Variants in GPR85 observed in about 807,000 individuals in gnomAD.
GPR85 encodes the protein probable G protein-coupled receptor 85.
GPR85 carries 7 observed loss-of-function variants against 21.3 expected under a neutral mutation model. The observed-to-expected ratio is 0.33, with a 90% confidence interval of 0.19 to 0.62. The LOEUF (loss-of-function observed/expected upper bound fraction) is 0.62, where lower values mean the gene tolerates loss of function less well. GPR85 is among the 20% of genes least tolerant of loss of function. GPR85 has a pLI of 0.80. For missense variants in GPR85, 299 were observed against 443.8 expected, an observed-to-expected ratio of 0.67 and a Z score of 2.93; for synonymous variants, 167 against 166.1, an observed-to-expected ratio of 1.01 and a Z score of -0.04.
Position 113,084,301 on chromosome 7 carries a change from C to T in GPR85, c.421G>A (p.Val141Met). 1 of 1,614,114 alleles carries T rather than the reference C, an allele frequency of 6.2e-7. No homozygotes were observed. The highest frequency in any genetic ancestry group is 8.5e-7 in the Non-Finnish European group (1 of 1,179,990). Reference sequence around the variant, plus strand: ...GACAGAGTCCACACCATACAGATCACAGCCAGACACGTCCAAAAGGTCAGC... The same window carrying T: ...GACAGAGTCCACACCATACAGATCATAGCCAGACACGTCCAAAAGGTCAGC... ...KRLTFWTCLA[V>M]ICMVWTLSVA... The change falls in exon 3 of 3, where the codon GTG (valine) becomes ATG (methionine). Residue 141 changes from valine to methionine, a missense_variant. By Grantham distance (21) the Val-to-Met change is conservative. Transcript: ENST00000424100.
chr7:113,084,599 G>T lies in GPR85; in HGVS notation c.123C>A (p.Ile41=). 2 of 1,613,808 alleles carry T rather than the reference G, an allele frequency of 1.2e-6. No individual in the cohort carries two copies. Among genetic ancestry groups the T allele is most frequent in the East Asian group, 4.5e-5 (2 of 44,878 alleles). Residue 41 remains isoleucine (I), a synonymous_variant, in exon 3 of 3, where the codon ATC becomes ATA. Coordinates refer to ENST00000424100, the MANE Select transcript of GPR85 (RefSeq NM_001146267.2). ...IGVSVVGNLL[I]SILLVKDKTL... ...TCTTATCTTTCACTAGCAAAATGGA[G>T]ATCAGGAGGTTGCCCACCACGCTGA...
chr7:113,086,271 CTG>C (rs1794277429), intron 1 of GPR85, 49 bp downstream of exon 1: 2 of 153,906 alleles, frequency 1.3e-5, no homozygotes, highest in South Asian at 2.1e-4. Flanking sequence ...TTCATCAACA[CTG>C]TGCATTCCCC....
At chr7:113,086,831 G>C (rs1011953573), upstream of GPR85, among the ~76,000 whole-genome samples, 1 of 152,070 alleles carries the variant, frequency 6.6e-6, no homozygotes, top group Non-Finnish European at 1.5e-5. Flanking sequence ...GGAAGTCACA[G>C]TGCCCGTGAC....
chr7:113,083,875 T>C lies in GPR85; in HGVS notation c.847A>G (p.Ile283Val). 2 of 1,614,224 alleles carry C rather than the reference T, an allele frequency of 1.2e-6. No individual in the cohort carries two copies. The highest frequency in any genetic ancestry group is 1.7e-6 in the Non-Finnish European group (2 of 1,180,036). The stretch of plus-strand genomic sequence containing the variant: ...GTCATTATATAGAACATTCTGCTGA[T>C]TCTTTTCTCCATTTTGAACTCGTCT... The part of the protein sequence containing the change: ...VLDEFKMEKR[I>V]SRMFYIMTFL... The change falls in exon 3 of 3, where the codon ATC becomes GTC. Residue 283 changes from isoleucine (I) to valine (V), a missense_variant. Ile to Val is a conservative substitution (Grantham distance 29). Around this residue, in one of 2 missense-constraint regions of GPR85, gnomAD observed 198 missense variants for 335.4 expected, o/e 0.59. Transcript: ENST00000424100. This position sits in a 1 kb window ranked among gnomAD's most constrained non-coding sequence, Gnocchi z 4.4.
In GPR85 at chr7:113,084,722, A is replaced by C. The variant is rs758960446; in HGVS notation, c.-1T>G. On this transcript the variant is annotated 5_prime_UTR_variant, in exon 3 of 3. Transcript: ENST00000424100. ...CAGCTGCATGGCTATAGTTCGCCAT[A>C]GATGGATGGAGGATAAGGATACAGC... 14 of 1,607,478 alleles carry C rather than the reference A, an allele frequency of 8.7e-6. No individual in the cohort carries two copies. Among genetic ancestry groups the C allele is most frequent in the Non-Finnish European group, 1.0e-5 (12 of 1,175,804 alleles).
chr7:113,083,916 C>T lies in GPR85; in HGVS notation c.806G>A (p.Arg269Lys), dbSNP rs779305786. The part of the protein sequence containing the change: ...IRQNANTTGR[R>K]RLLVLDEFKM... Reference sequence around the variant, plus strand: ...GAACTCGTCTAAGACCAATAGCCTTCTTCTGCCTGTGGTGTTTGCATTTTG... The same window carrying T: ...GAACTCGTCTAAGACCAATAGCCTTTTTCTGCCTGTGGTGTTTGCATTTTG... Residue 269 changes from arginine to lysine, a missense_variant, in exon 3 of 3, where the codon AGA (arginine) becomes AAA (lysine). Around this residue, in one of 2 missense-constraint regions of GPR85, gnomAD observed 198 missense variants for 335.4 expected, o/e 0.59. Transcript: ENST00000424100. This position sits in a 1 kb window ranked among gnomAD's most constrained non-coding sequence, Gnocchi z 4.4. The T allele has an allele frequency of 6.2e-7, 1 of 1,614,158 alleles. No individual in the cohort carries two copies. The highest frequency in any genetic ancestry group is 8.5e-7 in the Non-Finnish European group (1 of 1,180,004).
At position 113,086,396 on chromosome 7, in the gene GPR85, C is replaced by CTTTTTTTTTTTTTTTTTTGTTTTTTT. The variant is rs1794283693; in HGVS notation, c.-364_-363insAAAAAAACAAAAAAAAAAAAAAAAAA. 1.9e-4 allele frequency: 9 copies of CTTTTTTTTTTTTTTTTTTGTTTTTTT among 48,064 alleles called. 1 individual carries two copies. The highest frequency in any genetic ancestry group is 3.6e-4 in the Admixed American group (1 of 2,776). 3.0% of individuals were successfully genotyped at this position (48,064 alleles called of 1,614,324 possible). A position where few individuals can be genotyped will look rare whatever the true frequency, so the allele number is the denominator to read the frequency against. ...CTGATTTTTTTCTTTTTTTCTTTTT[C>CTTTTTTTTTTTTTTTTTTGTTTTTTT]TTTTTTTTTTTTTTTTTTTTGTTTT... On this transcript the variant is annotated 5_prime_UTR_variant, in exon 1 of 3. It removes the in-frame stop codon of an upstream open reading frame in the 5' UTR. Coordinates refer to ENST00000424100, the MANE Select transcript of GPR85 (RefSeq NM_001146267.2).
chr7:113,084,240 C>T lies in GPR85; in HGVS notation c.482G>A (p.Gly161Asp), dbSNP rs761703405. Residue 161 changes from glycine to aspartate, a missense_variant, in exon 3 of 3, where the codon GGC becomes GAC. Gly to Asp is a moderately conservative substitution (Grantham distance 94). Transcript: ENST00000424100. ...TTCCTCCCTAATGAATGAGTAAGTG[C>T]CCACGTCTAAAACCGGGGGAAATGC... ...AMAFPPVLDV[G>D]TYSFIREEDQ... 3 of 1,614,108 alleles carry T rather than the reference C, an allele frequency of 1.9e-6. No individual in the cohort carries two copies. Among genetic ancestry groups the T allele is most frequent in the South Asian group, 2.2e-5 (2 of 91,072 alleles).
rs922836407 is a variant in GPR85, at chr7:113,084,802, A to G, written c.-81T>C. The G allele has an allele frequency of 4.6e-5, 45 of 984,360 alleles. No individual in the cohort carries two copies. The highest frequency in any genetic ancestry group is 6.7e-5 in the Non-Finnish European group (45 of 668,524). 61.0% of individuals were successfully genotyped at this position (984,360 alleles called of 1,614,324 possible). Reference sequence around the variant, plus strand: ...GAACAAGGAAAAGATAGATCCATACATTTTACTGAAAATATAATCCACAAA... The same window carrying G: ...GAACAAGGAAAAGATAGATCCATACGTTTTACTGAAAATATAATCCACAAA... On this transcript the variant is annotated 5_prime_UTR_variant, in exon 3 of 3. An upstream start codon of the reference 5' UTR is lost. Coordinates refer to ENST00000424100, the MANE Select transcript of GPR85 (RefSeq NM_001146267.2).
rs1331831143 is a variant in GPR85 at position 113,083,951 on chromosome 7, C to T, written c.771G>A (p.Leu257=). The part of the protein sequence containing the change: ...FGRGPTPPTL[L]GIRQNANTTG... ...TGGTGTTTGCATTTTGCCTGATGCCCAGCAAGGTGGGTGGTGTGGGACCCC... is the reference window on the plus strand; with the variant it reads ...TGGTGTTTGCATTTTGCCTGATGCCTAGCAAGGTGGGTGGTGTGGGACCCC... Residue 257 remains leucine, a synonymous_variant, in exon 3 of 3, where the codon CTG becomes CTA. Transcript: ENST00000424100. The surrounding 1 kb of genome is among the most constrained non-coding windows in gnomAD (Gnocchi z 4.4). 2 of 1,614,058 alleles carry T rather than the reference C, an allele frequency of 1.2e-6. No individual in the cohort carries two copies. The highest frequency in any genetic ancestry group is 1.3e-5 in the African/African-American group (1 of 74,928).
Position 113,086,405 on chromosome 7 carries a change from T to TTTGTTTTTTTTTTTG in GPR85, c.-373_-372insCAAAAAAAAAAACAA, listed in dbSNP as rs1794290578. ...TTCTTTTTTTCTTTTTCTTTTTTTT[T>TTTGTTTTTTTTTTTG]TTTTTTTTTTTGTTTTTTGTTTTTT... On this transcript the variant is annotated 5_prime_UTR_variant, in exon 1 of 3. Transcript: ENST00000424100. 1 of 94,710 alleles carries TTTGTTTTTTTTTTTG rather than the reference T, an allele frequency of 1.1e-5. No homozygotes were observed. The highest frequency in any genetic ancestry group is 4.5e-5 in the African/African-American group (1 of 22,268). 5.9% of individuals were successfully genotyped at this position (94,710 alleles called of 1,614,324 possible).
rs1794299341 is a variant in GPR85 at position 113,086,426 on chromosome 7, T to TTTTTTTTTTTTTTTTTTTTTTG, written c.-394_-393insCAAAAAAAAAAAAAAAAAAAAA. On this transcript the variant is annotated 5_prime_UTR_variant, in exon 1 of 3. An upstream open reading frame in the 5' UTR loses its in-frame stop. Coordinates refer to ENST00000424100, the MANE Select transcript of GPR85 (RefSeq NM_001146267.2). ...TTTTTTTTTTTTTTTTGTTTTTTGT[T>TTTTTTTTTTTTTTTTTTTTTTG]TTTTTTTTTTTTTTTTTTGCCTTAG... 3.0e-5 allele frequency: 3 copies of TTTTTTTTTTTTTTTTTTTTTTG among 99,924 alleles called. 1 individual carries two copies. The highest frequency in any genetic ancestry group is 1.3e-4 in the African/African-American group (3 of 23,606). The allele number at this position is 99,924 out of a possible 1,614,324, so 6.2% of individuals were successfully genotyped here.
chr7:113,082,991 T>G lies in GPR85; in HGVS notation c.*618A>C, dbSNP rs1265978923. ...AGATGAGGAAAGTGGTATTTAGAAA[T>G]AGCAATGTATTAATACAAAAAAAGT... On this transcript the variant is annotated 3_prime_UTR_variant, in exon 3 of 3. Transcript: ENST00000424100. 1 of 152,602 alleles carries G rather than the reference T, an allele frequency of 6.6e-6. No individual in the cohort carries two copies. Among genetic ancestry groups the G allele is most frequent in the Middle Eastern group, 3.2e-3 (1 of 316 alleles). 9.5% of individuals were successfully genotyped at this position (152,602 alleles called of 1,614,324 possible).
chr7:113,086,390 C>CTTTTTTTTTTTTTT lies in GPR85; in HGVS notation c.-358_-357insAAAAAAAAAAAAAA, dbSNP rs1794280731. 1.6e-4 allele frequency: 4 copies of CTTTTTTTTTTTTTT among 25,296 alleles called. No individual in the cohort carries two copies. The highest frequency in any genetic ancestry group is 1.6e-4 in the Non-Finnish European group (2 of 12,724). The allele number at this position is 25,296 out of a possible 1,614,324, so 1.6% of individuals were successfully genotyped here. A position where few individuals can be genotyped will look rare whatever the true frequency, so the allele number is the denominator to read the frequency against. Reference sequence around the variant, plus strand: ...AAATTGCTGATTTTTTTCTTTTTTTCTTTTTCTTTTTTTTTTTTTTTTTTT... The same window carrying CTTTTTTTTTTTTTT: ...AAATTGCTGATTTTTTTCTTTTTTTCTTTTTTTTTTTTTTTTTTTCTTTTTTTTTTTTTTTTTTT... On this transcript the variant is annotated 5_prime_UTR_variant, in exon 1 of 3. The change abolishes the stop of an existing upstream ORF in the 5' untranslated region. Coordinates refer to ENST00000424100, the MANE Select transcript of GPR85 (RefSeq NM_001146267.2).
rs1794295701 is a variant in GPR85 at position 113,086,416 on chromosome 7, T to TTTTTTTTTTTTTTTTTTTTTTTTTTTTTC, written c.-384_-383insGAAAAAAAAAAAAAAAAAAAAAAAAAAAA. ...TTTTTCTTTTTTTTTTTTTTTTTTT[T>TTTTTTTTTTTTTTTTTTTTTTTTTTTTTC]GTTTTTTGTTTTTTTTTTTTTTTTT... On this transcript the variant is annotated 5_prime_UTR_variant, in exon 1 of 3. An upstream open reading frame in the 5' UTR loses its in-frame stop. Coordinates refer to ENST00000424100, the MANE Select transcript of GPR85 (RefSeq NM_001146267.2). 1.3e-5 allele frequency: 1 copy of TTTTTTTTTTTTTTTTTTTTTTTTTTTTTC among 77,578 alleles called. No individual in the cohort carries two copies. Among genetic ancestry groups the TTTTTTTTTTTTTTTTTTTTTTTTTTTTTC allele is most frequent in the African/African-American group, 6.0e-5 (1 of 16,704 alleles). 4.8% of individuals were successfully genotyped at this position (77,578 alleles called of 1,614,324 possible).
At position 113,083,384 on chromosome 7, in the gene GPR85, G is replaced by T; in HGVS notation, c.*225C>A. 1.9e-6 allele frequency: 1 copy of T among 520,592 alleles called. No homozygotes were observed. The allele number at this position is 520,592 out of a possible 1,614,324, so 32.2% of individuals were successfully genotyped here. ...CCACATAAAGAAACTTAGGGCAGTG[G>T]TTCAGTCCCTTCTTAATTACAAACC... On this transcript the variant is annotated 3_prime_UTR_variant, in exon 3 of 3. Transcript: ENST00000424100. The surrounding 1 kb of genome is among the most constrained non-coding windows in gnomAD (Gnocchi z 4.4).
In GPR85 at chr7:113,084,771, A is replaced by G; in HGVS notation, c.-50T>C. On this transcript the variant is annotated 5_prime_UTR_variant, in exon 3 of 3. Coordinates refer to ENST00000424100, the MANE Select transcript of GPR85 (RefSeq NM_001146267.2). ...GCCTCAGTCAAGTCTCATGATCTAG[A>G]TATAAGAACAAGGAAAAGATAGATC... The G allele has an allele frequency of 3.7e-6, 5 of 1,352,532 alleles. No individual in the cohort carries two copies. Among genetic ancestry groups the G allele is most frequent in the Non-Finnish European group, 5.1e-6 (5 of 975,022 alleles). The allele number at this position is 1,352,532 out of a possible 1,614,324, so 83.8% of individuals were successfully genotyped here. A position where few individuals can be genotyped will look rare whatever the true frequency, so the allele number is the denominator to read the frequency against.
chr7:113,084,056 T>C lies in GPR85; in HGVS notation c.666A>G (p.Ala222=), dbSNP rs769548475. 6.2e-7 allele frequency: 1 copy of C among 1,614,164 alleles called. No individual in the cohort carries two copies. The highest frequency in any genetic ancestry group is 8.5e-7 in the Non-Finnish European group (1 of 1,180,010). The change falls in exon 3 of 3, where the codon GCA becomes GCG. Residue 222 remains alanine, a synonymous_variant. Transcript: ENST00000424100. ...RRKMKPVQFV[A]AVSQNWTFHG... ...GAAAAGTCCAGTTCTGGCTGACTGC[T>C]GCTACAAACTGGACTGGCTTCATTT...
intron 2 of GPR85, 137 bp downstream of exon 2, chr7:113,085,855 A>G (rs1478165687): frequency 6.6e-6 from 1 of 152,338 alleles, no homozygotes; most frequent in East Asian, 1.9e-4. Context: ...GATGATTTTA[A>G]TTTCCCCACC....
Sources: allele counts gnomAD v4.1 joint callset (sites outside exome capture counted in the v4.1 genomes callset), GRCh38; gene constraint gnomAD v4.1.1; regional missense constraint gnomAD v4.1.1; non-coding constraint Gnocchi (gnomAD v3.1); transcripts MANE v1.5; gene names NCBI Gene and HGNC (gene_info 2026-07-23, HGNC 2026-07-21).